The following MKX variants were observed in gnomAD, a reference collection of about 807,000 sequenced individuals.
MKX encodes the protein mohawk homeobox.
A neutral mutation model predicts 36.0 loss-of-function variants in MKX; 13 were observed. The ratio of observed to expected loss-of-function variants is 0.36; its 90% CI spans 0.24 to 0.57. The LOEUF is 0.57. Among genes scored for constraint, MKX ranks in the 20% least tolerant of loss-of-function variants. The probability of loss-of-function intolerance (pLI) is 0.79; values close to 1 mark genes in which losing one functional copy is unlikely to be tolerated. For synonymous variants in MKX, 176 were observed against 178.3 expected (o/e 0.99, Z 0.10); for missense variants, 458 against 456.4 (o/e 1.00, Z -0.03).
chr10:27,722,113 A>G (rs1834392076), intron 5 of MKX, among the ~76,000 whole-genome samples: 1 of 152,196 alleles, frequency 6.6e-6, no homozygotes, highest in Non-Finnish European at 1.5e-5. Flanking sequence ...AAAATATAGC[A>G]TACTTCTATA....
intron 3 of MKX, among the ~76,000 whole-genome samples, chr10:27,735,614 A>ATTTTCCTT (rs1290281293): frequency 2.0e-5 from 3 of 152,184 alleles, no homozygotes; most frequent in Non-Finnish European, 4.4e-5. Context: ...GACATCAAAA[A>ATTTTCCTT]ATTTAATAAG....
chr10:27,706,406 C>A (rs1489059891), intron 5 of MKX, among the ~76,000 whole-genome samples: 2 of 152,120 alleles, frequency 1.3e-5, no homozygotes, highest in African/African-American at 4.8e-5. Flanking sequence ...CCAGAAGGTG[C>A]ATTGCTGGAT....
chr10:27,693,310 T>C (rs1182101934), intron 5 of MKX, among the ~76,000 whole-genome samples: 1 of 152,162 alleles, frequency 6.6e-6, no homozygotes, highest in African/African-American at 2.4e-5. Context: ...TAAGGATCTA[T>C]ACTACAGAGT....
chr10:27,718,166 C>T (rs1441019719), intron 5 of MKX, among the ~76,000 whole-genome samples: 2 of 151,862 alleles, frequency 1.3e-5, no homozygotes, highest in African/African-American at 4.8e-5. Flanking sequence ...AACGAAGAAT[C>T]TAAAGCGCTA....
chr10:27,702,935 A>G (rs755477470), intron 5 of MKX, among the ~76,000 whole-genome samples: 1 of 152,230 alleles, frequency 6.6e-6, no homozygotes, highest in Non-Finnish European at 1.5e-5. Flanking sequence ...TCTGAGGTAC[A>G]TAAACATTTT....
chr10:27,716,444 A>AAAG (rs1457033441), intron 5 of MKX, among the ~76,000 whole-genome samples: 1 of 151,234 alleles, frequency 6.6e-6, no homozygotes, highest in Non-Finnish European at 1.5e-5. Flanking sequence ...AGCAAAAAAA[A>AAAG]AAAAAAGCAC....
intron 5 of MKX, among the ~76,000 whole-genome samples, chr10:27,728,844 T>A (rs1465706089): frequency 6.6e-6 from 1 of 152,152 alleles, no homozygotes; most frequent in Non-Finnish European, 1.5e-5. Context: ...GAAAAATGGT[T>A]TGGAGATGGC....
At chr10:27,732,257 TG>T (rs1834647758) in intron 5 of MKX, among the ~76,000 whole-genome samples, 1 of 152,172 alleles carries the variant, frequency 6.6e-6, no homozygotes, top group Admixed American at 6.5e-5. Context: ...CTTCAAAGTT[TG>T]AAAAGAAATG....
In MKX at chr10:27,743,165, C is replaced by G. The variant is rs568189350; in HGVS notation, c.188+63G>C. 1.1e-4 allele frequency: 157 copies of G among 1,372,016 alleles called. No homozygotes were observed. In the African/African-American group the frequency reaches 2.1e-3, roughly 18 times the overall value. The allele number at this position is 1,372,016 out of a possible 1,614,324, so 85.0% of individuals were successfully genotyped here. On this transcript the variant is annotated intron_variant, in intron 2 of 6. Transcript: ENST00000419761. ...CCCGCGTTGCCACGGGACCCCGTCA[C>G]AGCTCACCACCCCCACCCCTCCGGG...
rs748717284 is a variant in MKX at position 27,744,196 on chromosome 10, A to G, written c.-82-699T>C. Among the ~76,000 whole-genome samples the G allele has an allele frequency of 3.3e-5, 5 of 152,002 alleles. No homozygotes were observed. Among genetic ancestry groups the G allele is most frequent in the African/African-American group, 4.8e-5 (2 of 41,390 alleles). ...CCTTCTCTCCCAGAATCTTCCTATC[A>G]TCCCCCAACGCGCCCCGGGAAGTGC... On this transcript the variant is annotated intron_variant, in intron 1 of 6. Coordinates refer to ENST00000419761, the MANE Select transcript of MKX (RefSeq NM_173576.3). This position sits in a 1 kb window ranked among gnomAD's most constrained non-coding sequence, Gnocchi z 5.6.
At chr10:27,708,601 C>T (rs12257885) in intron 5 of MKX, among the ~76,000 whole-genome samples, 4 of 151,858 alleles carry the variant, frequency 2.6e-5, no homozygotes, top group Admixed American at 6.6e-5. Flanking sequence ...TGGTGGCGTG[C>T]GCCTCTAGTC....
chr10:27,694,118 T>C (rs1254740099), intron 5 of MKX, among the ~76,000 whole-genome samples: 1 of 152,156 alleles, frequency 6.6e-6, no homozygotes, highest in Non-Finnish European at 1.5e-5. Context: ...CCTCTTTTTC[T>C]TGATAAATCA....
chr10:27,717,889 T>C (rs1397916257), intron 5 of MKX, among the ~76,000 whole-genome samples: 2 of 152,172 alleles, frequency 1.3e-5, no homozygotes, highest in Non-Finnish European at 2.9e-5. Flanking sequence ...TGATGATAAG[T>C]GCCCTGCAAA....
chr10:27,688,223 C>T (rs1907393), intron 5 of MKX, among the ~76,000 whole-genome samples: 18,780 of 151,870 alleles, frequency 0.12, 3,027 homozygotes, highest in African/African-American at 0.36. Context: ...AACCTCCTCT[C>T]TCACTTTAAT....
chr10:27,723,494 T>C (rs1460029111), intron 5 of MKX, among the ~76,000 whole-genome samples: 2 of 151,962 alleles, frequency 1.3e-5, no homozygotes, highest in African/African-American at 4.8e-5. Flanking sequence ...TCAATCTTGG[T>C]TGCAAATTAG....
At chr10:27,715,065 C>T (rs1369686732) in intron 5 of MKX, among the ~76,000 whole-genome samples, 1 of 151,920 alleles carries the variant, frequency 6.6e-6, no homozygotes, top group Middle Eastern at 3.2e-3. Context: ...GTTTTCTTAA[C>T]AGACTTGCTG....
intron 5 of MKX, among the ~76,000 whole-genome samples, chr10:27,701,535 T>C (rs1302925437): frequency 6.9e-6 from 1 of 145,608 alleles, no homozygotes; most frequent in Admixed American, 6.9e-5. Context: ...TCTTTGTATG[T>C]TTATTTAGAT....
intron 5 of MKX, among the ~76,000 whole-genome samples, chr10:27,714,213 C>T (rs1180531142): frequency 6.6e-6 from 1 of 151,962 alleles, no homozygotes; most frequent in African/African-American, 2.4e-5. Context: ...TGTAGTCTGT[C>T]TGGCACTGAG....
In MKX at chr10:27,734,786, C is replaced by G; in HGVS notation, c.508G>C (p.Glu170Gln). The change falls in exon 5 of 7, where the codon GAA becomes CAA. Residue 170 changes from glutamate to glutamine, a missense_variant. Physicochemically the swap from Glu to Gln is conservative, Grantham distance 29. Around this residue, in one of 3 missense-constraint regions of MKX, gnomAD observed 297 missense variants for 304.4 expected, o/e 0.98. Coordinates refer to ENST00000419761, the MANE Select transcript of MKX (RefSeq NM_173576.3). ...SSDDSCSEDG[E>Q]NPPRTHMNEG... ...TTCATGTGGGTTCTTGGAGGATTTTCTCCATCTAAAGTGGAACAGTATCAC... is the reference window on the plus strand; with the variant it reads ...TTCATGTGGGTTCTTGGAGGATTTTGTCCATCTAAAGTGGAACAGTATCAC... The G allele has an allele frequency of 6.2e-7, 1 of 1,608,446 alleles. No individual in the cohort carries two copies. The highest frequency in any genetic ancestry group is 8.5e-7 in the Non-Finnish European group (1 of 1,176,724).
Sources: gnomAD v4.1 joint callset for allele counts (sites outside exome capture counted in the v4.1 genomes callset) on GRCh38, gnomAD v4.1.1 for gene constraint, gnomAD v4.1.1 regional missense constraint, Gnocchi (gnomAD v3.1) non-coding constraint, MANE v1.5 for transcripts, NCBI Gene and HGNC (gene_info 2026-07-23, HGNC 2026-07-21) for gene names.